The following MLPH variants were observed in gnomAD, a reference collection of about 807,000 sequenced individuals.
The protein encoded by MLPH is melanophilin.
Under a neutral mutation model 72.1 loss-of-function variants are expected in MLPH, and 51 were observed. That is an observed-to-expected ratio of 0.71 (90% CI 0.56 to 0.89). The LOEUF (loss-of-function observed/expected upper bound fraction) is 0.89. MLPH is among the 40% of genes least tolerant of loss of function. The pLI, the probability that MLPH is intolerant of heterozygous loss-of-function variation, is 0.00. For missense variants in MLPH, 743 were observed against 759.9 expected (o/e 0.98, Z 0.26); for synonymous variants, 301 against 310.1 (o/e 0.97, Z 0.31).
rs1238742904 is a variant in MLPH, at chr2:237,541,099, G to A, written c.1446+142G>A. The A allele has an allele frequency of 5.1e-6, 6 of 1,176,100 alleles. No individual in the cohort carries two copies. The African/African-American group carries it at 6.1e-5, about 12-fold the overall frequency. The allele number at this position is 1,176,100 out of a possible 1,614,324, so 72.9% of individuals were successfully genotyped here. A position where few individuals can be genotyped will look rare whatever the true frequency, so the allele number is the denominator to read the frequency against. On this transcript the variant is annotated intron_variant, in intron 11 of 15. Coordinates refer to ENST00000264605, the MANE Select transcript of MLPH (RefSeq NM_024101.7). This position sits in a 1 kb window ranked among gnomAD's most constrained non-coding sequence, Gnocchi z 5.1. ...TGGCCCAGCATGCACGGCTCTGAAG[G>A]CCAGGCATGAACCTGGGGGTTTCTG...
rs13410167 is a variant in MLPH, at chr2:237,496,247, G to T, written c.110+2711G>T. Among the ~76,000 whole-genome samples, 60 of 152,276 alleles carry T rather than the reference G, an allele frequency of 3.9e-4. No homozygotes were observed. The East Asian group carries it at 7.9e-3, about 20-fold the overall frequency. On this transcript the variant is annotated intron_variant, in intron 2 of 15. Transcript: ENST00000264605. ...AGGCGAATGCAGAGAAATGGAAAAG[G>T]GGGGAGAACCATGTTTTCCAAGGAG...
In MLPH at chr2:237,545,431, T is replaced by C. The variant is rs752675754; in HGVS notation, c.1540-1175T>C. ...CTTTGTTGGGGTTCATTTTTGTTTA[T>C]TATTTGTTGTTTCTACCCTAAAAAG... On this transcript the variant is annotated intron_variant, in intron 12 of 15. Coordinates refer to ENST00000264605, the MANE Select transcript of MLPH (RefSeq NM_024101.7). 12 of 1,280,638 alleles carry C rather than the reference T, an allele frequency of 9.4e-6. No homozygotes were observed. The South Asian group carries it at 1.3e-4, about 13-fold the overall frequency. The allele number at this position is 1,280,638 out of a possible 1,614,324, so 79.3% of individuals were successfully genotyped here.
chr2:237,493,023 C>G (rs1313924398), intron 1 of MLPH, among the ~76,000 whole-genome samples: 1 of 152,170 alleles, frequency 6.6e-6, no homozygotes, highest in African/African-American at 2.4e-5. Context: ...AGGCGAGAAG[C>G]CTCAGGAATG....
intron 2 of MLPH, among the ~76,000 whole-genome samples, chr2:237,495,903 C>T (rs953220304): frequency 6.6e-6 from 1 of 152,166 alleles, no homozygotes; most frequent in Non-Finnish European, 1.5e-5. Context: ...CAGGAAAATG[C>T]GGTCTCACGG....
At chr2:237,552,067 T>C (rs2081051246) in intron 14 of MLPH, 2 of 444,436 alleles carry the variant, frequency 4.5e-6, no homozygotes, top group Non-Finnish European at 8.2e-6. Flanking sequence ...GCCTTTCTGC[T>C]GCTTCATTAG....
At chr2:237,550,470 G>A (rs2081009393) in intron 14 of MLPH, among the ~76,000 whole-genome samples, 1 of 152,220 alleles carries the variant, frequency 6.6e-6, no homozygotes, top group Non-Finnish European at 1.5e-5. Context: ...CTGCCAGCAG[G>A]GGCTCCTGGA....
intron 14 of MLPH, among the ~76,000 whole-genome samples, chr2:237,551,517 A>G (rs1384745971): frequency 1.3e-5 from 2 of 152,230 alleles, no homozygotes; most frequent in Non-Finnish European, 2.9e-5. Context: ...CACAGAAGAC[A>G]TGCAAAAGTG....
intron 2 of MLPH, among the ~76,000 whole-genome samples, chr2:237,498,010 G>A (rs1390627753): frequency 2.6e-5 from 4 of 152,214 alleles, no homozygotes; most frequent in South Asian, 2.1e-4. Context: ...AGGGAAGCCC[G>A]TGGGCGCGAC....
intron 6 of MLPH, among the ~76,000 whole-genome samples, chr2:237,523,489 C>T (rs1447861011): frequency 1.3e-5 from 2 of 152,188 alleles, no homozygotes; most frequent in Non-Finnish European, 1.5e-5. Context: ...CATGAGTTAG[C>T]AGCTCTTGCA....
chr2:237,538,075 G>A (rs58881590), intron 9 of MLPH, among the ~76,000 whole-genome samples: 3,782 of 152,308 alleles, frequency 0.025, 155 homozygotes, highest in African/African-American at 0.085. Context: ...GAAGAGTCGG[G>A]AGACACAGGG....
Position 237,519,979 on chromosome 2 carries a change from G to A in MLPH, c.625G>A (p.Gly209Ser), listed in dbSNP as rs544478623. Residue 209 changes from glycine (G) to serine (S), a missense_variant, in exon 6 of 16, where the codon GGT (glycine) becomes AGT (serine). Coordinates refer to ENST00000264605, the MANE Select transcript of MLPH (RefSeq NM_024101.7). ...CTCAGATGACTCCACTCAGCCTCAA[G>A]GTCACTCCCTGCACCTGTCCTCAGT... ...GDSDDSTQPQ[G>S]HSLHLSSVPE... The A allele has an allele frequency of 1.2e-6, 2 of 1,614,004 alleles. No individual in the cohort carries two copies. Among genetic ancestry groups the A allele is most frequent in the African/African-American group, 1.3e-5 (1 of 75,022 alleles).
rs75281755 is a variant in MLPH, at chr2:237,536,686, C to T, written c.1104+2039C>T. On this transcript the variant is annotated intron_variant, in intron 9 of 15. Coordinates refer to ENST00000264605, the MANE Select transcript of MLPH (RefSeq NM_024101.7). ...ACACTGACCCAGGTCTCACTCGGGC[C>T]TCGGCTCTGCCTCTCAGGTGGACAC... Among the ~76,000 whole-genome samples the T allele has an allele frequency of 1.1e-3, 168 of 152,312 alleles. 2 individuals carry two copies. Among genetic ancestry groups the T allele is most frequent in the African/African-American group, 3.9e-3 (163 of 41,570 alleles).
chr2:237,542,234 G>A (rs1387754372), intron 11 of MLPH, among the ~76,000 whole-genome samples: 1 of 152,124 alleles, frequency 6.6e-6, no homozygotes, highest in African/African-American at 2.4e-5. Flanking sequence ...GCTAGGTGAA[G>A]AGTAGCCACT....
intron 5 of MLPH, 39 bp from the exon 6 acceptor site, chr2:237,519,871 G>T: frequency 6.2e-7 from 1 of 1,613,806 alleles, no homozygotes; most frequent in Non-Finnish European, 8.5e-7. Context: ...CCTCAAGCTA[G>T]CCCTGACTTG....
chr2:237,533,926 A>G (rs748084628), intron 8 of MLPH, among the ~76,000 whole-genome samples: 12 of 152,234 alleles, frequency 7.9e-5, no homozygotes, highest in Non-Finnish European at 1.2e-4. Context: ...CCACAGCACC[A>G]TTTCCCTCTT....
At chr2:237,524,462 C>G (rs1035624155) in intron 6 of MLPH, among the ~76,000 whole-genome samples, 13 of 151,966 alleles carry the variant, frequency 8.6e-5, no homozygotes, top group Non-Finnish European at 8.8e-5. Flanking sequence ...AAACATCCAG[C>G]ACAGAAGAAA....
chr2:237,526,699 C>T (rs1375249959), intron 7 of MLPH, among the ~76,000 whole-genome samples: 1 of 152,132 alleles, frequency 6.6e-6, no homozygotes, highest in Non-Finnish European at 1.5e-5. Context: ...AGTTTGGAGC[C>T]TCACTCTGCC....
Position 237,509,578 on chromosome 2 carries a change from C to G in MLPH, c.111-996C>G, listed in dbSNP as rs116239134. Among the ~76,000 whole-genome samples the G allele has an allele frequency of 4.2e-3, 646 of 152,366 alleles. 4 individuals carry two copies. Among genetic ancestry groups the G allele is most frequent in the African/African-American group, 0.014 (592 of 41,584 alleles). ...CCTTGTCAATGCAGCTTTATCTAAA[C>G]TGTAGTCTGTGGATGGCGGTATCCC... On this transcript the variant is annotated intron_variant, in intron 2 of 15. Coordinates refer to ENST00000264605, the MANE Select transcript of MLPH (RefSeq NM_024101.7).
At chr2:237,492,424 T>G (rs577466015) in intron 1 of MLPH, among the ~76,000 whole-genome samples, 1 of 149,992 alleles carries the variant, frequency 6.7e-6, no homozygotes, top group Admixed American at 6.6e-5. Context: ...GCCCAGGAGT[T>G]CAAGACCAGC....
Sources: gnomAD v4.1 joint callset for allele counts (sites outside exome capture counted in the v4.1 genomes callset) on GRCh38, gnomAD v4.1.1 for gene constraint, Gnocchi (gnomAD v3.1) non-coding constraint, MANE v1.5 for transcripts, NCBI Gene and HGNC (gene_info 2026-07-23, HGNC 2026-07-21) for gene names.